CSMD1: variants seen among roughly 807,000 people sequenced by gnomAD.
CSMD1 encodes CUB and Sushi multiple domains 1.
Under a neutral mutation model 417.5 loss-of-function variants are expected in CSMD1, and 213 were observed. That is an observed-to-expected ratio of 0.51 (90% confidence interval 0.46 to 0.57). The LOEUF (loss-of-function observed/expected upper bound fraction) is 0.57. Ranked by LOEUF, CSMD1 falls within the 20% of genes least tolerant of loss-of-function variation. The pLI is 0.00. For missense variants in CSMD1, 6,923 were observed against 4,529.7 expected, an observed-to-expected ratio of 1.53 and a Z score of -15.17; for synonymous variants, 2,862 against 1,736.8, an observed-to-expected ratio of 1.65 and a Z score of -16.11.
chr8:3,136,471 G>T (rs964428231), intron 41 of CSMD1, among the ~76,000 whole-genome samples: 2 of 151,902 alleles, frequency 1.3e-5, no homozygotes, highest in African/African-American at 2.4e-5. Flanking sequence ...CACCATGTTG[G>T]CCAGGCTGAT....
chr8:3,948,216 A>G (rs1811366473), intron 5 of CSMD1, among the ~76,000 whole-genome samples: 1 of 152,074 alleles, frequency 6.6e-6, no homozygotes, highest in South Asian at 2.1e-4. Context: ...TAATAACAAT[A>G]ATAATAATAA....
At chr8:3,957,367 G>A (rs143900290) in intron 5 of CSMD1, among the ~76,000 whole-genome samples, 55 of 152,148 alleles carry the variant, frequency 3.6e-4, no homozygotes, top group African/African-American at 1.3e-3. Flanking sequence ...AGGCACCAAG[G>A]CAGGTGTTAA....
At chr8:3,441,434 T>G (rs916137613) in intron 12 of CSMD1, among the ~76,000 whole-genome samples, 19 of 152,040 alleles carry the variant, frequency 1.2e-4, no homozygotes, top group South Asian at 8.3e-4. Context: ...TTTTGAAATA[T>G]TGAACAGTCT....
intron 3 of CSMD1, among the ~76,000 whole-genome samples, chr8:4,247,965 G>C (rs951859980): frequency 2.6e-5 from 4 of 151,976 alleles, no homozygotes. Context: ...TCTTCTTTTG[G>C]AAATTGCTTC....
At chr8:3,471,800 G>C (rs1438130131) in intron 11 of CSMD1, among the ~76,000 whole-genome samples, 1 of 151,940 alleles carries the variant, frequency 6.6e-6, no homozygotes, top group Non-Finnish European at 1.5e-5. Context: ...TCATGGTTTT[G>C]GGTAGAAGAA....
At chr8:4,423,899 A>T (rs553090022) in intron 2 of CSMD1, among the ~76,000 whole-genome samples, 6 of 152,226 alleles carry the variant, frequency 3.9e-5, no homozygotes, top group African/African-American at 1.4e-4. Flanking sequence ...CAGAACAAAG[A>T]ACCCAAAAAT....
intron 26 of CSMD1, among the ~76,000 whole-genome samples, chr8:3,230,748 G>C (rs902276455): frequency 6.6e-6 from 1 of 152,140 alleles, no homozygotes; most frequent in Non-Finnish European, 1.5e-5. Flanking sequence ...TCCCATAGGT[G>C]ACATTGCCAC....
intron 5 of CSMD1, among the ~76,000 whole-genome samples, chr8:3,946,823 C>A (rs113267566): frequency 6.6e-6 from 1 of 151,974 alleles, no homozygotes; most frequent in East Asian, 1.9e-4. Flanking sequence ...TATTTTAATT[C>A]TGTAAATGTT....
chr8:4,107,097 T>C (rs774748593), intron 3 of CSMD1, among the ~76,000 whole-genome samples: 1 of 152,146 alleles, frequency 6.6e-6, no homozygotes, highest in Admixed American at 6.5e-5. Context: ...AAGGTGATAA[T>C]GACGACAGAA....
intron 10 of CSMD1, among the ~76,000 whole-genome samples, chr8:3,522,236 T>G (rs1199645381): frequency 6.6e-6 from 1 of 152,210 alleles, no homozygotes; most frequent in Admixed American, 6.5e-5. Context: ...AAATATTGCA[T>G]ATGATATTAC....
chr8:3,898,808 T>A (rs1044608163), intron 5 of CSMD1, among the ~76,000 whole-genome samples: 3 of 152,196 alleles, frequency 2.0e-5, no homozygotes, highest in Non-Finnish European at 4.4e-5. Flanking sequence ...TTCCCTAAAT[T>A]TAATTAATAA....
intron 23 of CSMD1, among the ~76,000 whole-genome samples, chr8:3,322,850 T>G (rs1806243708): frequency 6.6e-6 from 1 of 152,236 alleles, no homozygotes; most frequent in Non-Finnish European, 1.5e-5. Flanking sequence ...CAAAGGAAAT[T>G]GATTTCTGGT....
chr8:4,951,134 CT>C (rs2117283431), intron 1 of CSMD1, among the ~76,000 whole-genome samples: 1 of 152,294 alleles, frequency 6.6e-6, no homozygotes, highest in Non-Finnish European at 1.5e-5. Context: ...ACACCCTCCT[CT>C]TGGACTGTCC....
At chr8:4,199,806 C>A (rs1254428681) in intron 3 of CSMD1, among the ~76,000 whole-genome samples, 1 of 152,056 alleles carries the variant, frequency 6.6e-6, no homozygotes, top group Non-Finnish European at 1.5e-5. Context: ...AATCGGATGA[C>A]TTTTGTAGGT....
chr8:3,649,370 A>C (rs1465776585), intron 7 of CSMD1, among the ~76,000 whole-genome samples: 1 of 152,184 alleles, frequency 6.6e-6, no homozygotes, highest in African/African-American at 2.4e-5. Flanking sequence ...TTTTACACTG[A>C]TATTAAAATT....
intron 7 of CSMD1, among the ~76,000 whole-genome samples, chr8:3,696,951 G>A (rs1201307622): frequency 2.0e-5 from 3 of 152,120 alleles, no homozygotes; most frequent in African/African-American, 4.8e-5. Context: ...TGGGCCACGT[G>A]GACTATAGAG....
intron 3 of CSMD1, among the ~76,000 whole-genome samples, chr8:4,183,103 C>T (rs539434400): frequency 1.3e-5 from 2 of 152,240 alleles, no homozygotes; most frequent in South Asian, 2.1e-4. Flanking sequence ...ACCCTATATA[C>T]AGAGATCATC....
chr8:4,409,122 A>T (rs1796504205), intron 3 of CSMD1, among the ~76,000 whole-genome samples: 1 of 152,332 alleles, frequency 6.6e-6, no homozygotes, highest in South Asian at 2.1e-4. Context: ...ATATGGCTAT[A>T]AATTATATTT....
chr8:4,723,713 C>G (rs182481853), intron 1 of CSMD1, among the ~76,000 whole-genome samples: 1 of 134,304 alleles, frequency 7.4e-6, no homozygotes, highest in East Asian at 2.3e-4. Flanking sequence ...TCCAGGTATA[C>G]ATAAATAATA....
Sources: gnomAD v4.1 joint callset for allele counts (sites outside exome capture counted in the v4.1 genomes callset) on GRCh38, gnomAD v4.1.1 for gene constraint, MANE v1.5 for transcripts, NCBI Gene and HGNC (gene_info 2026-07-23, HGNC 2026-07-21) for gene names.